Variants in CREB5 observed in about 807,000 individuals in gnomAD.
CREB5 encodes cyclic AMP-responsive element-binding protein 5.
A neutral mutation model predicts 57.1 loss-of-function variants in CREB5; 19 were observed. The ratio of observed to expected loss-of-function variants is 0.33; its 90% CI spans 0.23 to 0.49. The LOEUF is 0.49. Among genes scored for constraint, CREB5 ranks in the 20% least tolerant of loss-of-function variants. CREB5 has a pLI of 0.99. For missense variants in CREB5, 579 were observed against 671.6 expected, an observed-to-expected ratio of 0.86 and a Z score of 1.52; for synonymous variants, 238 against 238.3, an observed-to-expected ratio of 1.00 and a Z score of 0.01.
At chr7:28,704,497 A>G (rs1331185479) in intron 5 of CREB5, among the ~76,000 whole-genome samples, 2 of 151,836 alleles carry the variant, frequency 1.3e-5, no homozygotes, top group Non-Finnish European at 2.9e-5. Context: ...TTTTTAAGAC[A>G]GAGTCTCTGT....
At chr7:28,517,233 G>A (rs1466957234) in intron 4 of CREB5, among the ~76,000 whole-genome samples, 2 of 152,142 alleles carry the variant, frequency 1.3e-5, no homozygotes, top group Non-Finnish European at 1.5e-5. Context: ...TAATATAATA[G>A]TTGCAAGAAA....
chr7:28,554,642 A>G (rs933809180), intron 4 of CREB5, among the ~76,000 whole-genome samples: 2 of 152,172 alleles, frequency 1.3e-5, no homozygotes, highest in Non-Finnish European at 2.9e-5. Context: ...ACTGGGCAGC[A>G]CCCATTTGGT....
intron 5 of CREB5, among the ~76,000 whole-genome samples, chr7:28,626,615 T>A (rs1378872060): frequency 1.3e-5 from 2 of 152,184 alleles, no homozygotes; most frequent in Non-Finnish European, 2.9e-5. Context: ...CCTGGGGTGA[T>A]GGAACAGAAT....
At chr7:28,539,204 A>T (rs1794100574) in intron 4 of CREB5, among the ~76,000 whole-genome samples, 1 of 152,216 alleles carries the variant, frequency 6.6e-6, no homozygotes. Context: ...AATTCTTTAA[A>T]GGTTTTCAGA....
chr7:28,479,042 G>C (rs539736974), intron 1 of CREB5, among the ~76,000 whole-genome samples: 1 of 152,332 alleles, frequency 6.6e-6, no homozygotes, highest in South Asian at 2.1e-4. Context: ...TCTTGGGAAA[G>C]TATAAAGAGG....
chr7:28,509,162 C>A (rs1028649746), intron 4 of CREB5, among the ~76,000 whole-genome samples: 4 of 152,114 alleles, frequency 2.6e-5, no homozygotes, highest in African/African-American at 9.7e-5. Flanking sequence ...TTAAACTGAA[C>A]TATAAGAAAG....
chr7:28,580,463 A>ACACACACACACACACACACACACAC (rs1554347479), intron 5 of CREB5, among the ~76,000 whole-genome samples: 1 of 146,770 alleles, frequency 6.8e-6, no homozygotes, highest in Non-Finnish European at 1.5e-5. Context: ...ACACACACAC[A>ACACACACACACACACACACACACAC]ATAGATAGCT....
intron 5 of CREB5, among the ~76,000 whole-genome samples, chr7:28,612,115 A>G (rs1797416173): frequency 1.3e-5 from 2 of 152,074 alleles, no homozygotes; most frequent in Admixed American, 1.3e-4. Context: ...TCTGGGGGAG[A>G]TGACTTAGCT....
chr7:28,410,065 C>T (rs1024177463), upstream of CREB5: 9 of 405,658 alleles, frequency 2.2e-5, no homozygotes, highest in African/African-American at 4.3e-5. Flanking sequence ...ACCTAGGGGG[C>T]GGGTGGGCGC....
chr7:28,658,513 G>C (rs909399205), intron 5 of CREB5, among the ~76,000 whole-genome samples: 7 of 152,198 alleles, frequency 4.6e-5, no homozygotes, highest in African/African-American at 9.6e-5. Flanking sequence ...TATCTTCATT[G>C]CAAGAGAAGC....
chr7:28,519,870 C>T (rs1265019658), intron 4 of CREB5, among the ~76,000 whole-genome samples: 2 of 152,122 alleles, frequency 1.3e-5, no homozygotes, highest in African/African-American at 4.8e-5. Context: ...CTCAGGATGC[C>T]AAACAAACAT....
intron 4 of CREB5, among the ~76,000 whole-genome samples, chr7:28,528,011 T>C (rs1793520167): frequency 6.6e-6 from 1 of 152,240 alleles, no homozygotes; most frequent in Non-Finnish European, 1.5e-5. Flanking sequence ...TGCAAAGTTA[T>C]AGTGAGGTTT....
intron 1 of CREB5, among the ~76,000 whole-genome samples, chr7:28,456,694 A>C (rs956579271): frequency 1.3e-5 from 2 of 152,252 alleles, no homozygotes; most frequent in Non-Finnish European, 2.9e-5. Flanking sequence ...TTTAAAGATC[A>C]TGTTGCTTTC....
chr7:28,493,416 A>G (rs1307265458), intron 2 of CREB5, among the ~76,000 whole-genome samples: 1 of 152,232 alleles, frequency 6.6e-6, no homozygotes, highest in Non-Finnish European at 1.5e-5. Flanking sequence ...GCTTAGAGCA[A>G]CAAAGGCTTA....
At chr7:28,644,262 C>T (rs1798804873) in intron 5 of CREB5, among the ~76,000 whole-genome samples, 1 of 152,138 alleles carries the variant, frequency 6.6e-6, no homozygotes, top group Admixed American at 6.5e-5. Flanking sequence ...CTGGTGATGC[C>T]TGTGTCTCAC....
intron 7 of CREB5, among the ~76,000 whole-genome samples, chr7:28,769,738 G>C (rs554882720): frequency 6.6e-6 from 1 of 152,128 alleles, no homozygotes; most frequent in African/African-American, 2.4e-5. Flanking sequence ...TATGACCATG[G>C]CTAAAATGAA....
chr7:28,649,626 A>G (rs1183116706), intron 5 of CREB5, among the ~76,000 whole-genome samples: 1 of 152,210 alleles, frequency 6.6e-6, no homozygotes, highest in Non-Finnish European at 1.5e-5. Context: ...CAGCATAGAA[A>G]GGATAGTATT....
At chr7:28,811,516 A>G (rs187597825) in intron 9 of CREB5, among the ~76,000 whole-genome samples, 4 of 152,198 alleles carry the variant, frequency 2.6e-5, no homozygotes, top group Non-Finnish European at 2.9e-5. Context: ...CAGCCTCCCA[A>G]GGTGCACACC....
chr7:28,448,389 A>G (rs1322356999), intron 1 of CREB5, among the ~76,000 whole-genome samples: 2 of 152,004 alleles, frequency 1.3e-5, no homozygotes, highest in Non-Finnish European at 2.9e-5. Flanking sequence ...TTTATTTTTT[A>G]TTGCTTCCAA....
Sources: gnomAD v4.1 joint callset for allele counts (sites outside exome capture counted in the v4.1 genomes callset) on GRCh38, gnomAD v4.1.1 for gene constraint, MANE v1.5 for transcripts, NCBI Gene and HGNC (gene_info 2026-07-23, HGNC 2026-07-21) for gene names.